MUSK: variants seen among roughly 807,000 people sequenced by gnomAD.
The protein encoded by MUSK is muscle associated receptor tyrosine kinase.
In MUSK, 55 loss-of-function variants were observed where a neutral mutation model predicts 88.7. The ratio of observed to expected loss-of-function variants is 0.62; its 90% CI spans 0.50 to 0.78. The LOEUF is 0.78. MUSK is among the 30% of genes least tolerant of loss of function. The pLI is 0.00. For synonymous variants in MUSK, 387 were observed against 391.9 expected (o/e 0.99, Z 0.15); for missense variants, 1,015 against 1,074.3 (o/e 0.94, Z 0.77).
chr9:110,798,176 A>G (rs892289579), intron 14 of MUSK, among the ~76,000 whole-genome samples: 1 of 152,186 alleles, frequency 6.6e-6, no homozygotes, highest in African/African-American at 2.4e-5. Context: ...TCCCAGTGAA[A>G]TAAGATGACA....
Position 110,805,254 on chromosome 9 carries a change from A to G in MUSK, c.*4266A>G, listed in dbSNP as rs749819569. ...AATGCACTTTTAATACTTTTTAAAT[A>G]TATTAAAAAATTACCTTCCTGAATT... On this transcript the variant is annotated 3_prime_UTR_variant, in exon 15 of 15. Transcript: ENST00000374448. 4.6e-5 allele frequency among the ~76,000 whole-genome samples: 7 copies of G among 151,946 alleles called. No homozygotes were observed. Among genetic ancestry groups the G allele is most frequent in the Non-Finnish European group, 1.0e-4 (7 of 67,806 alleles).
chr9:110,766,607 C>A (rs1422431801), intron 8 of MUSK, among the ~76,000 whole-genome samples: 1 of 152,114 alleles, frequency 6.6e-6, no homozygotes, highest in Non-Finnish European at 1.5e-5. Flanking sequence ...GCTTTAAAGA[C>A]CTGCCAGTGG....
chr9:110,775,982 A>G lies in MUSK; in HGVS notation c.1360+19A>G. On this transcript the variant is annotated intron_variant, in intron 10 of 14. Coordinates refer to ENST00000374448, the MANE Select transcript of MUSK (RefSeq NM_005592.4). ...CATCTAGGTAACACAGAGTTCTCCCAAGACTTTGGAGGTTAAGAGAAATTT... is the reference window on the plus strand; with the variant it reads ...CATCTAGGTAACACAGAGTTCTCCCGAGACTTTGGAGGTTAAGAGAAATTT... The G allele has an allele frequency of 6.3e-7, 1 of 1,582,738 alleles. No homozygotes were observed. The highest frequency in any genetic ancestry group is 8.6e-7 in the Non-Finnish European group (1 of 1,164,212).
At chr9:110,717,750 G>T (rs1050780077) in intron 5 of MUSK, among the ~76,000 whole-genome samples, 1 of 137,700 alleles carries the variant, frequency 7.3e-6, no homozygotes, top group African/African-American at 3.3e-5. Flanking sequence ...TTTTCCCTCA[G>T]TGTTGTCCTA....
intron 1 of MUSK, among the ~76,000 whole-genome samples, chr9:110,681,100 A>AATATATATTATATATAATATATATT (rs1220149910): frequency 5.2e-4 from 10 of 19,220 alleles, no homozygotes; most frequent in African/African-American, 2.5e-3. Context: ...TATATTATAT[A>AATATATATTATATATAATATATATT]ATATATATTA....
chr9:110,769,149 T>C (rs975472629), intron 9 of MUSK, among the ~76,000 whole-genome samples: 1 of 152,192 alleles, frequency 6.6e-6, no homozygotes, highest in Non-Finnish European at 1.5e-5. Flanking sequence ...TTGTTATTCC[T>C]AAATTTTCTG....
chr9:110,751,788 G>A (rs764027906), intron 7 of MUSK, among the ~76,000 whole-genome samples: 15 of 151,442 alleles, frequency 9.9e-5, no homozygotes, highest in Non-Finnish European at 2.2e-4. Flanking sequence ...ACCTATAACT[G>A]GGACCTGGGA....
At chr9:110,708,518 T>A (rs2076630598) in intron 5 of MUSK, among the ~76,000 whole-genome samples, 1 of 152,088 alleles carries the variant, frequency 6.6e-6, no homozygotes, top group Non-Finnish European at 1.5e-5. Context: ...AAGAAAAAAA[T>A]CACAAACCTC....
intron 6 of MUSK, among the ~76,000 whole-genome samples, chr9:110,739,643 T>C (rs971138996): frequency 7.2e-5 from 11 of 152,172 alleles, no homozygotes; most frequent in African/African-American, 2.7e-4. Context: ...AGGCCAGACC[T>C]TTCTTTGGAA....
At position 110,790,755 on chromosome 9, in the gene MUSK, T is replaced by C. The variant is rs1326891; in HGVS notation, c.1927+2917T>C. Among the ~76,000 whole-genome samples, 1,311 of 152,260 alleles carry C rather than the reference T, an allele frequency of 8.6e-3. 18 individuals carry two copies. The highest frequency in any genetic ancestry group is 0.03 in the African/African-American group (1,256 of 41,560). ...TAAGAAAATCCATTTTTACATAAAA[T>C]ATAAAATGGACTAGAGAAACATAAT... On this transcript the variant is annotated intron_variant, in intron 14 of 14. Coordinates refer to ENST00000374448, the MANE Select transcript of MUSK (RefSeq NM_005592.4).
chr9:110,763,558 TC>T (rs1482307273), intron 8 of MUSK, among the ~76,000 whole-genome samples: 1 of 152,170 alleles, frequency 6.6e-6, no homozygotes, highest in Non-Finnish European at 1.5e-5. Context: ...TAGAAACAGT[TC>T]CCGTTTGCTT....
intron 7 of MUSK, among the ~76,000 whole-genome samples, chr9:110,751,237 G>A (rs2077243649): frequency 6.6e-6 from 1 of 152,110 alleles, no homozygotes; most frequent in Non-Finnish European, 1.5e-5. Flanking sequence ...ATGAGAACCT[G>A]ATCCAACTCC....
chr9:110,713,030 T>C (rs937732916), intron 5 of MUSK, among the ~76,000 whole-genome samples: 2 of 151,914 alleles, frequency 1.3e-5, no homozygotes, highest in Non-Finnish European at 2.9e-5. Flanking sequence ...AGTGAGGAGC[T>C]CTTGGTGAGG....
intron 14 of MUSK, among the ~76,000 whole-genome samples, chr9:110,790,927 T>C (rs1278747709): frequency 1.3e-5 from 2 of 152,176 alleles, no homozygotes; most frequent in Non-Finnish European, 2.9e-5. Flanking sequence ...AGAATTAGCA[T>C]TTTGCCACAC....
In MUSK at chr9:110,800,927, C is replaced by G; in HGVS notation, c.2549C>G (p.Thr850Ser). Reference protein sequence around the residue: ...SKLPADRPSFTSIHRILERMC... With the variant: ...SKLPADRPSFSSIHRILERMC... ...CTGCCTGCAGACAGACCCAGTTTCA[C>G]CAGTATTCACCGAATTCTGGAACGC... is the stretch of plus-strand genomic sequence containing the variant. The change falls in exon 15 of 15, where the codon ACC becomes AGC. Residue 850 changes from threonine (T) to serine (S), a missense_variant. Transcript: ENST00000374448. 3.9e-6 allele frequency: 6 copies of G among 1,531,196 alleles called. No individual in the cohort carries two copies. Among genetic ancestry groups the G allele is most frequent in the Non-Finnish European group, 5.3e-6 (6 of 1,140,810 alleles). The allele number at this position is 1,531,196 out of a possible 1,614,324, so 94.9% of individuals were successfully genotyped here.
intron 1 of MUSK, among the ~76,000 whole-genome samples, chr9:110,677,704 AT>A (rs2076049417): frequency 6.6e-6 from 1 of 152,172 alleles, no homozygotes; most frequent in South Asian, 2.1e-4. Flanking sequence ...ATGTGTGTGA[AT>A]GTATTGTGTA....
intron 1 of MUSK, among the ~76,000 whole-genome samples, chr9:110,670,070 C>A (rs368298469): frequency 7.1e-6 from 1 of 140,922 alleles, no homozygotes; most frequent in African/African-American, 3.0e-5. Context: ...AAATAAGATG[C>A]GGGTTTCTTC....
At chr9:110,739,259 A>T (rs1035561634) in intron 6 of MUSK, among the ~76,000 whole-genome samples, 2 of 152,162 alleles carry the variant, frequency 1.3e-5, no homozygotes, top group African/African-American at 4.8e-5. Flanking sequence ...AAGGATATAG[A>T]TTAAAATCAT....
chr9:110,685,835 G>A (rs1369778504), intron 2 of MUSK, among the ~76,000 whole-genome samples: 1 of 152,070 alleles, frequency 6.6e-6, no homozygotes, highest in African/African-American at 2.4e-5. Context: ...GTCTCTTTGA[G>A]GAAATACAGG....
Sources: gnomAD v4.1 joint callset for allele counts (sites outside exome capture counted in the v4.1 genomes callset) on GRCh38, gnomAD v4.1.1 for gene constraint, MANE v1.5 for transcripts, NCBI Gene and HGNC (gene_info 2026-07-23, HGNC 2026-07-21) for gene names.